The following MGAT4C variants were observed in gnomAD, a reference collection of about 807,000 sequenced individuals.
The protein encoded by MGAT4C is alpha-1,3-mannosyl-glycoprotein 4-beta-N-acetylglucosaminyltransferase C.
In MGAT4C, 19 loss-of-function variants were observed where a neutral mutation model predicts 40.1. That is an observed-to-expected ratio of 0.47 (90% CI 0.33 to 0.70). The LOEUF (loss-of-function observed/expected upper bound fraction) is 0.70. Among genes scored for constraint, MGAT4C ranks in the 30% least tolerant of loss-of-function variants. The pLI, the probability that MGAT4C is intolerant of heterozygous loss-of-function variation, is 0.02. For missense variants in MGAT4C, 491 were observed against 563.2 expected, an observed-to-expected ratio of 0.87 and a Z score of 1.30; for synonymous variants, 181 against 187.1, an observed-to-expected ratio of 0.97 and a Z score of 0.27.
intron 1 of MGAT4C, among the ~76,000 whole-genome samples, chr12:86,174,081 A>C: frequency 6.6e-6 from 1 of 151,666 alleles, no homozygotes; most frequent in East Asian, 1.9e-4. Flanking sequence ...TTACAGTGAA[A>C]TTAAAAGTAG....
intron 1 of MGAT4C, among the ~76,000 whole-genome samples, chr12:86,112,246 T>G (rs1486304666): frequency 6.6e-6 from 1 of 151,748 alleles, no homozygotes; most frequent in Non-Finnish European, 1.5e-5. Context: ...TGGATGACAT[T>G]TCAATATCCC....
chr12:86,294,989 A>T (rs1953625242), intron 4 of MGAT4C, among the ~76,000 whole-genome samples: 1 of 152,134 alleles, frequency 6.6e-6, no homozygotes, highest in African/African-American at 2.4e-5. Context: ...AATAATTCCA[A>T]AATTTCTCAG....
chr12:86,463,654 T>C (rs527471311), intron 2 of MGAT4C, among the ~76,000 whole-genome samples: 1 of 152,310 alleles, frequency 6.6e-6, no homozygotes, highest in African/African-American at 2.4e-5. Flanking sequence ...ATTCTTCATT[T>C]TAAGAACATT....
chr12:86,601,271 T>C (rs766885112), intron 2 of MGAT4C: 1 of 152,244 alleles, frequency 6.6e-6, no homozygotes, highest in Non-Finnish European at 1.5e-5. Context: ...GACGGCCATT[T>C]CCGGATGGAG....
At chr12:86,674,090 T>G (rs373905480) in intron 2 of MGAT4C, among the ~76,000 whole-genome samples, 1 of 152,178 alleles carries the variant, frequency 6.6e-6, no homozygotes, top group African/African-American at 2.4e-5. Context: ...TTGAGACAAT[T>G]AAACAACCAC....
intron 2 of MGAT4C, among the ~76,000 whole-genome samples, chr12:86,480,085 T>G (rs991423805): frequency 2.8e-4 from 42 of 151,882 alleles, no homozygotes; most frequent in Non-Finnish European, 1.0e-4. Context: ...GCTTCTATTA[T>G]GATTCAAATT....
chr12:85,991,415 A>T (rs1221057240), intron 2 of MGAT4C, among the ~76,000 whole-genome samples: 2 of 152,096 alleles, frequency 1.3e-5, no homozygotes, highest in Non-Finnish European at 2.9e-5. Flanking sequence ...CCTGGCCCCC[A>T]GGCTTCAGGC....
chr12:86,635,479 T>C (rs1323859918), intron 2 of MGAT4C, among the ~76,000 whole-genome samples: 1 of 152,020 alleles, frequency 6.6e-6, no homozygotes, highest in Non-Finnish European at 1.5e-5. Context: ...GTATTGTGGG[T>C]GAGTGCCCGA....
chr12:85,963,344 C>T lies in MGAT4C; in HGVS notation c.*15945G>A, dbSNP rs1883207583. On this transcript the variant is annotated 3_prime_UTR_variant, in exon 5 of 5. Transcript: ENST00000611864. ...TCTTGAAATGTAACTAGCACATAGT[C>T]AGTGTTTCTTAACCATTTTGGGGTC... 1 of 151,928 alleles carries T rather than the reference C, an allele frequency of 6.6e-6. No individual in the cohort carries two copies. The highest frequency in any genetic ancestry group is 1.5e-5 in the Non-Finnish European group (1 of 67,898). The allele number at this position is 151,928 out of a possible 1,614,324, so 9.4% of individuals were successfully genotyped here.
chr12:86,240,889 T>C (rs1170743697), intron 1 of MGAT4C, among the ~76,000 whole-genome samples: 1 of 152,178 alleles, frequency 6.6e-6, no homozygotes, highest in Non-Finnish European at 1.5e-5. Context: ...AAGTCTAGAA[T>C]TAGGTGTTGC....
In MGAT4C at chr12:86,431,423, C is replaced by A. The variant is rs556891323; in HGVS notation, c.-120+3734G>T. ...ACATCAAAATAAAAACATGGTAAAA[C>A]CTAATCAAATATTTTCCAGGAGAGA... On this transcript the variant is annotated intron_variant, in intron 3 of 7. Coordinates refer to the MGAT4C transcript ENST00000548651. 3.3e-5 allele frequency among the ~76,000 whole-genome samples: 5 copies of A among 152,222 alleles called. No homozygotes were observed. The South Asian group carries it at 1.0e-3, about 32-fold the overall frequency.
At position 86,694,216 on chromosome 12, in the gene MGAT4C, C is replaced by A. The variant is rs572276921; in HGVS notation, c.-229+32993G>T. 3.3e-5 allele frequency among the ~76,000 whole-genome samples: 5 copies of A among 152,150 alleles called. No homozygotes were observed. In the South Asian group the frequency reaches 8.3e-4, roughly 25 times the overall value. ...ATCTTCTTTTCTCTGCCCTAGTTAC[C>A]ACCTCTACATCAATTACCCTTTGTA... On this transcript the variant is annotated intron_variant, in intron 2 of 7. Coordinates refer to the MGAT4C transcript ENST00000548651.
intron 1 of MGAT4C, among the ~76,000 whole-genome samples, chr12:86,735,269 AGAGAGGGTCAGT>A (rs1251872343): frequency 6.6e-6 from 1 of 151,900 alleles, no homozygotes; most frequent in Non-Finnish European, 1.5e-5. Flanking sequence ...ACTAATCCCG[AGAGAGGGTCAGT>A]GAGTTGGGCC....
At chr12:86,042,867 CAAA>C (rs140809256) in intron 2 of MGAT4C, among the ~76,000 whole-genome samples, 18,443 of 107,746 alleles carry the variant, frequency 0.17, 1,339 homozygotes, top group Non-Finnish European at 0.2. Context: ...GACTCTGTCT[CAAA>C]AAAAAAAAAA....
intron 2 of MGAT4C, among the ~76,000 whole-genome samples, chr12:86,645,602 C>G (rs1963520556): frequency 6.6e-6 from 1 of 151,656 alleles, no homozygotes; most frequent in Admixed American, 6.6e-5. Context: ...AAAATCTTAG[C>G]AAGTTTTTAA....
chr12:86,376,642 A>G (rs1955827078), intron 3 of MGAT4C, among the ~76,000 whole-genome samples: 1 of 152,168 alleles, frequency 6.6e-6, no homozygotes, highest in Non-Finnish European at 1.5e-5. Flanking sequence ...ACATAAATTT[A>G]GAACCATAAG....
At chr12:86,487,252 T>C (rs530679614) in intron 2 of MGAT4C, among the ~76,000 whole-genome samples, 1 of 152,304 alleles carries the variant, frequency 6.6e-6, no homozygotes, top group South Asian at 2.1e-4. Context: ...CTAGTGTACA[T>C]TTAGATACTG....
At chr12:86,775,029 T>C (rs1366613337) in intron 1 of MGAT4C, among the ~76,000 whole-genome samples, 1 of 152,216 alleles carries the variant, frequency 6.6e-6, no homozygotes, top group Non-Finnish European at 1.5e-5. Flanking sequence ...GCTTTGTCTT[T>C]TAAAAACATA....
At chr12:86,299,583 G>A (rs1234456368) in intron 4 of MGAT4C, among the ~76,000 whole-genome samples, 1 of 152,002 alleles carries the variant, frequency 6.6e-6, no homozygotes, top group South Asian at 2.1e-4. Context: ...GGTTTGTTAG[G>A]AATTTTTAAT....
Sources: allele counts gnomAD v4.1 joint callset (sites outside exome capture counted in the v4.1 genomes callset), GRCh38; gene constraint gnomAD v4.1.1; transcripts MANE v1.5; gene names NCBI Gene and HGNC (gene_info 2026-07-23, HGNC 2026-07-21).